Variants in UAP1L1 observed in about 807,000 individuals in gnomAD.
UAP1L1 encodes UDP-N-acetylglucosamine pyrophosphorylase 1 like 1.
UAP1L1 carries 45 observed loss-of-function variants against 45.3 expected under a neutral mutation model. That is an observed-to-expected ratio of 0.99 (90% CI 0.78 to 1.27). The LOEUF is 1.27. Among genes scored for constraint, UAP1L1 ranks in the 50% most tolerant of loss-of-function variants. The pLI is 0.00. For missense variants in UAP1L1, 667 were observed against 694.0 expected, an observed-to-expected ratio of 0.96 and a Z score of 0.44; for synonymous variants, 323 against 303.9, an observed-to-expected ratio of 1.06 and a Z score of -0.65.
intron 6 of UAP1L1, 32 bp from the exon 7 acceptor site, chr9:137,080,657 G>T (rs763068986): frequency 1.0e-5 from 16 of 1,584,672 alleles, no homozygotes; most frequent in Non-Finnish European, 1.3e-5. Flanking sequence ...CCTCTGTGCT[G>T]GGACGTGGGT....
Position 137,082,513 on chromosome 9 carries a change from C to A in UAP1L1, c.1432-124C>A. ...CTGGCCCTGGAAGCCTTTCTGTCCC[C>A]ACCCCTCCCTGACTCCAGGCAGACC... On this transcript the variant is annotated intron_variant, in intron 8 of 8. Coordinates refer to ENST00000409858, the MANE Select transcript of UAP1L1 (RefSeq NM_207309.3). This position sits in a 1 kb window ranked among gnomAD's most constrained non-coding sequence, Gnocchi z 5.7. 1.3e-6 allele frequency: 1 copy of A among 779,776 alleles called. No homozygotes were observed. The highest frequency in any genetic ancestry group is 2.1e-6 in the Non-Finnish European group (1 of 472,500). The allele number at this position is 779,776 out of a possible 1,614,324, so 48.3% of individuals were successfully genotyped here.
At position 137,079,158 on chromosome 9, in the gene UAP1L1, C is replaced by A. The variant is rs754408464; in HGVS notation, c.843+10C>A. 3 of 1,606,386 alleles carry A rather than the reference C, an allele frequency of 1.9e-6. No individual in the cohort carries two copies. In the East Asian group the frequency reaches 6.7e-5, roughly 36 times the overall value. On this transcript the variant is annotated intron_variant, in intron 4 of 8. Transcript: ENST00000409858. ...AGACTGTGGCGCCAAGGTTAGCGCCCGACTGCGCGGCGCCCCGCACCCGAG... is the reference window on the plus strand; with the variant it reads ...AGACTGTGGCGCCAAGGTTAGCGCCAGACTGCGCGGCGCCCCGCACCCGAG...
In UAP1L1 at chr9:137,080,754, C is replaced by A; in HGVS notation, c.1244C>A (p.Ala415Asp). The change falls in exon 7 of 9, where the codon GCC becomes GAC. Residue 415 changes from alanine to aspartate, a missense_variant. Physicochemically the swap from Ala to Asp is moderately radical, Grantham distance 126. Coordinates refer to ENST00000409858, the MANE Select transcript of UAP1L1 (RefSeq NM_207309.3). ...EFSPLKNAEP[A>D]DRDSPRTARQ... Reference sequence around the variant, plus strand: ...TCCCCACTGAAGAACGCAGAGCCAGCCGACAGGGACAGTCCCCGCACCGCT... The same window carrying A: ...TCCCCACTGAAGAACGCAGAGCCAGACGACAGGGACAGTCCCCGCACCGCT... 1 of 1,612,794 alleles carries A rather than the reference C, an allele frequency of 6.2e-7. No homozygotes were observed. The highest frequency in any genetic ancestry group is 1.1e-5 in the South Asian group (1 of 91,084).
Position 137,080,853 on chromosome 9 carries a change from C to T in UAP1L1, c.1343C>T (p.Ala448Val). 1 of 1,602,482 alleles carries T rather than the reference C, an allele frequency of 6.2e-7. No individual in the cohort carries two copies. The highest frequency in any genetic ancestry group is 1.1e-5 in the South Asian group (1 of 90,778). Residue 448 changes from alanine to valine, a missense_variant, in exon 7 of 9, where the codon GCC (alanine) becomes GTC (valine). Ala to Val is a moderately conservative substitution (Grantham distance 64). Transcript: ENST00000409858. ...GCCCGCTTCCTGGATGCCCATGGGG[C>T]CTGGCTCCCAGAGCTGCCCAGGTGA... is the stretch of plus-strand genomic sequence containing the variant. The part of the protein sequence containing the change: ...AGARFLDAHG[A>V]WLPELPSLPP...
chr9:137,083,818 C>G lies in UAP1L1; in HGVS notation c.*1089C>G, dbSNP rs1411027874. On this transcript the variant is annotated 3_prime_UTR_variant, in exon 9 of 9. Transcript: ENST00000409858. The stretch of plus-strand genomic sequence containing the variant: ...GAGAGCTATGATATGCCACTGCTGC[C>G]AACTCATCCTCTGCCCCCACCTCGA... 1.3e-5 allele frequency: 2 copies of G among 152,324 alleles called. No homozygotes were observed. Among genetic ancestry groups the G allele is most frequent in the Admixed American group, 1.3e-4 (2 of 15,286 alleles). The allele number at this position is 152,324 out of a possible 1,614,324, so 9.4% of individuals were successfully genotyped here.
chr9:137,081,898 C>T (rs907088231), intron 7 of UAP1L1, 100 bp from the exon 8 acceptor site: 7 of 1,121,870 alleles, frequency 6.2e-6, no homozygotes, highest in South Asian at 1.2e-5. Context: ...CTGTGGGGAG[C>T]CAGGTGTGTA....
Position 137,078,078 on chromosome 9 carries a change from G to A in UAP1L1, c.318G>A (p.Val106=). The A allele has an allele frequency of 5.2e-6, 8 of 1,550,068 alleles. No homozygotes were observed. The South Asian group carries it at 9.5e-5, about 18-fold the overall frequency. Residue 106 remains valine, a synonymous_variant, in exon 2 of 9, where the codon GTG becomes GTA. Coordinates refer to ENST00000409858, the MANE Select transcript of UAP1L1 (RefSeq NM_207309.3). ...EGFRQISLNK[V]AVLLLAGGQG... The stretch of plus-strand genomic sequence containing the variant: ...TCCGTCAGATTTCTCTGAACAAGGT[G>A]GCCGTCCTGCTGCTGGCTGGGGGGC...
chr9:137,080,627 C>A (rs774373404), intron 6 of UAP1L1, 62 bp from the exon 7 acceptor site: 109 of 1,520,998 alleles, frequency 7.2e-5, no homozygotes, highest in Non-Finnish European at 9.4e-5. Context: ...TGGCCCAGCT[C>A]TCACCTGCCC....
rs938507028 is a variant in UAP1L1 at position 137,082,234 on chromosome 9, G to A, written c.1431+170G>A. The A allele has an allele frequency of 4.2e-5, 28 of 672,060 alleles. No homozygotes were observed. The African/African-American group carries it at 4.5e-4, about 11-fold the overall frequency. 41.6% of individuals were successfully genotyped at this position (672,060 alleles called of 1,614,324 possible). On this transcript the variant is annotated intron_variant, in intron 8 of 8. Transcript: ENST00000409858. This position sits in a 1 kb window ranked among gnomAD's most constrained non-coding sequence, Gnocchi z 5.7. ...TCCAAGATATGGGTTGGGGTGGGGT[G>A]AGGCATCCAGAGGCCTTTGCAGGTC...
chr9:137,082,638 G>A lies in UAP1L1; in HGVS notation c.1433G>A (p.Gly478Asp). Residue 478 changes from glycine to aspartate, a missense_variant and splice_region_variant, in exon 9 of 9, where the codon GGT (glycine) becomes GAT (aspartate). Transcript: ENST00000409858. The surrounding 1 kb of genome is among the most constrained non-coding windows in gnomAD (Gnocchi z 5.7). The stretch of plus-strand genomic sequence containing the variant: ...CCATTGTCCCCTGCTCGTCTCCAGG[G>A]TTTAGAAGTGTACCTGCAAGGCCGG... The part of the protein sequence containing the change: ...ISPLVSYSGE[G>D]LEVYLQGREF... 1.3e-6 allele frequency: 2 copies of A among 1,551,832 alleles called. No homozygotes were observed. The highest frequency in any genetic ancestry group is 1.2e-5 in the South Asian group (1 of 84,080).
chr9:137,080,173 T>G lies in UAP1L1; in HGVS notation c.1178+31T>G. ...TAGTAGAACTCATTTATTTTCCCCTTCTTCCTTCTCTCAGTTTTGGTGGTG... is the reference window on the plus strand; with the variant it reads ...TAGTAGAACTCATTTATTTTCCCCTGCTTCCTTCTCTCAGTTTTGGTGGTG... On this transcript the variant is annotated intron_variant, in intron 6 of 8. Transcript: ENST00000409858. 4 of 1,610,950 alleles carry G rather than the reference T, an allele frequency of 2.5e-6. No homozygotes were observed. The South Asian group carries it at 3.3e-5, about 13-fold the overall frequency.
At chr9:137,080,376 G>A (rs1033668948) in intron 6 of UAP1L1, 24 of 602,516 alleles carry the variant, frequency 4.0e-5, no homozygotes, top group Admixed American at 9.3e-5. Flanking sequence ...GCCACCTCCC[G>A]GACCTTCCAC....
At chr9:137,080,650 C>T in intron 6 of UAP1L1, 39 bp from the exon 7 acceptor site, 1 of 1,573,728 alleles carries the variant, frequency 6.4e-7, no homozygotes, top group Non-Finnish European at 8.6e-7. Context: ...ATCAGGGCCT[C>T]TGTGCTGGGA....
At chr9:137,078,423 G>A in intron 2 of UAP1L1, 79 bp from the exon 3 acceptor site, 1 of 1,605,628 alleles carries the variant, frequency 6.2e-7, no homozygotes, top group Non-Finnish European at 8.5e-7. Flanking sequence ...CCCGAACCCC[G>A]ATGCCGGCTC....
chr9:137,077,734 GC>G lies in UAP1L1; in HGVS notation c.204del (p.Ala69ArgfsTer35), dbSNP rs1832714318. 1.7e-6 allele frequency: 2 copies of G among 1,189,996 alleles called. No homozygotes were observed. Among genetic ancestry groups the G allele is most frequent in the African/African-American group, 3.2e-5 (2 of 62,690 alleles). The allele number at this position is 1,189,996 out of a possible 1,614,324, so 73.7% of individuals were successfully genotyped here. A position where few individuals can be genotyped will look rare whatever the true frequency, so the allele number is the denominator to read the frequency against. On this transcript the variant is annotated frameshift_variant, in exon 1 of 9. Transcript: ENST00000409858. LOFTEE classifies it high-confidence loss of function. The surrounding 1 kb of genome is among the most constrained non-coding windows in gnomAD (Gnocchi z 4.7). ...ARPHGPPPDL[A>X]ARLRPLPPER... ...CCCCCACGGCCCGCCGCCCGACTTG[GC>G]CGCGCGCCTGCGGCCCCTGCCCCCA...
chr9:137,079,133 A>T lies in UAP1L1; in HGVS notation c.828A>T (p.Ala276=), dbSNP rs199557609. 111 of 1,610,852 alleles carry T rather than the reference A, an allele frequency of 6.9e-5. No homozygotes were observed. In the African/African-American group the frequency reaches 1.4e-3, roughly 21 times the overall value. The part of the protein sequence containing the change: ...VFIGFCVLQG[A]DCGAKVVEKA... ...TCGGCTTCTGTGTGTTGCAGGGCGC[A>T]GACTGTGGCGCCAAGGTTAGCGCCC... The change falls in exon 4 of 9, where the codon GCA becomes GCT. Residue 276 remains alanine (A), a synonymous_variant. Coordinates refer to ENST00000409858, the MANE Select transcript of UAP1L1 (RefSeq NM_207309.3).
chr9:137,078,966 C>T lies in UAP1L1; in HGVS notation c.671-10C>T. The T allele has an allele frequency of 6.3e-7, 1 of 1,580,384 alleles. No individual in the cohort carries two copies. The highest frequency in any genetic ancestry group is 8.6e-7 in the Non-Finnish European group (1 of 1,168,982). On this transcript the variant is annotated splice_polypyrimidine_tract_variant and intron_variant, in intron 3 of 8. Transcript: ENST00000409858. ...GCCCTCGCGATGCCCATTCCCTTCT[C>T]CGTCTGCAGACGGCAACGGGGGCCT...
chr9:137,077,520 C>A lies in UAP1L1; in HGVS notation c.-13C>A. The stretch of plus-strand genomic sequence containing the variant: ...GGGTCACGAGTGCCGACTTGACAGA[C>A]GGCAGCGGCGACATGGCTTCGGAGC... On this transcript the variant is annotated 5_prime_UTR_variant, in exon 1 of 9. Coordinates refer to ENST00000409858, the MANE Select transcript of UAP1L1 (RefSeq NM_207309.3). The surrounding 1 kb of genome is among the most constrained non-coding windows in gnomAD (Gnocchi z 4.7). 2 of 1,355,364 alleles carry A rather than the reference C, an allele frequency of 1.5e-6. No homozygotes were observed. Among genetic ancestry groups the A allele is most frequent in the Non-Finnish European group, 1.9e-6 (2 of 1,044,052 alleles). The allele number at this position is 1,355,364 out of a possible 1,614,324, so 84.0% of individuals were successfully genotyped here.
In UAP1L1 at chr9:137,078,919, C is replaced by T. The variant is rs932013041; in HGVS notation, c.671-57C>T. On this transcript the variant is annotated intron_variant, in intron 3 of 8. Coordinates refer to ENST00000409858, the MANE Select transcript of UAP1L1 (RefSeq NM_207309.3). ...CCCCGCCTCCAGCACGTCCTAGACTCCCAGAGCGATCCCTGGCGGGAGCCC... is the reference window on the plus strand; with the variant it reads ...CCCCGCCTCCAGCACGTCCTAGACTTCCAGAGCGATCCCTGGCGGGAGCCC... 9 of 1,537,584 alleles carry T rather than the reference C, an allele frequency of 5.9e-6. No individual in the cohort carries two copies. In the African/African-American group the frequency reaches 9.7e-5, roughly 17 times the overall value.
Sources: allele counts gnomAD v4.1 joint callset, GRCh38; gene constraint gnomAD v4.1.1; non-coding constraint Gnocchi (gnomAD v3.1); transcripts MANE v1.5; gene names NCBI Gene and HGNC (gene_info 2026-07-23, HGNC 2026-07-21).